EPHB2: variants seen among roughly 807,000 people sequenced by gnomAD.
The protein encoded by EPHB2 is EPH receptor B2.
EPHB2 carries 18 observed loss-of-function variants against 96.4 expected under a neutral mutation model. The ratio of observed to expected loss-of-function variants is 0.19; its 90% confidence interval spans 0.13 to 0.28. The LOEUF (loss-of-function observed/expected upper bound fraction) is 0.28, where lower values mean the gene tolerates loss of function less well. Ranked by LOEUF, EPHB2 falls within the 10% of genes least tolerant of loss-of-function variation. The pLI, the probability that EPHB2 is intolerant of heterozygous loss-of-function variation, is 1.00. For missense variants in EPHB2, 989 were observed against 1,355.4 expected (o/e 0.73, Z 4.25); for synonymous variants, 506 against 534.1 (o/e 0.95, Z 0.72).
At chr1:22,753,030 C>T (rs1043649302) in intron 1 of EPHB2, among the ~76,000 whole-genome samples, 6 of 152,014 alleles carry the variant, frequency 3.9e-5, no homozygotes, top group African/African-American at 1.5e-4. Flanking sequence ...ATCCTCCTGT[C>T]TTGGCCTCCC....
chr1:22,823,280 C>T (rs1467961644), intron 3 of EPHB2, among the ~76,000 whole-genome samples: 1 of 152,214 alleles, frequency 6.6e-6, no homozygotes, highest in Non-Finnish European at 1.5e-5. Flanking sequence ...CTTCATAACT[C>T]AACTTGGGTA....
At chr1:22,861,109 C>T (rs1320175008) in intron 3 of EPHB2, among the ~76,000 whole-genome samples, 1 of 152,210 alleles carries the variant, frequency 6.6e-6, no homozygotes, top group Non-Finnish European at 1.5e-5. Flanking sequence ...GGAACTGTTA[C>T]AAGTGTTTTT....
intron 9 of EPHB2, among the ~76,000 whole-genome samples, chr1:22,900,512 G>A (rs1195510501): frequency 1.3e-5 from 2 of 152,126 alleles, no homozygotes; most frequent in Non-Finnish European, 2.9e-5. Context: ...GCTCAGGGAT[G>A]GAGCAGGGGT....
rs77774574 is a variant in EPHB2 at position 22,779,978 on chromosome 1, G to A, written c.62-1443G>A. Reference sequence around the variant, plus strand: ...AGGTCTCTCCCCCTACTCTCTCATAGCTATTTATATTCACACCTCATCTCC... The same window carrying A: ...AGGTCTCTCCCCCTACTCTCTCATAACTATTTATATTCACACCTCATCTCC... On this transcript the variant is annotated intron_variant, in intron 1 of 15. Coordinates refer to ENST00000374630, the MANE Select transcript of EPHB2 (RefSeq NM_017449.5). 1.6e-4 allele frequency among the ~76,000 whole-genome samples: 24 copies of A among 152,236 alleles called. No individual in the cohort carries two copies. In the East Asian group the frequency reaches 4.4e-3, roughly 28 times the overall value.
chr1:22,816,954 T>C (rs1645083722), intron 3 of EPHB2, among the ~76,000 whole-genome samples: 1 of 152,182 alleles, frequency 6.6e-6, no homozygotes, highest in South Asian at 2.1e-4. Flanking sequence ...TCCAACTCCC[T>C]GACCCACTTG....
chr1:22,775,833 T>C (rs1644443628), intron 1 of EPHB2, among the ~76,000 whole-genome samples: 1 of 152,230 alleles, frequency 6.6e-6, no homozygotes, highest in Non-Finnish European at 1.5e-5. Flanking sequence ...TAGTTCCAGC[T>C]TTTGCCTGGA....
rs1007988439 is a variant in EPHB2 at position 22,800,796 on chromosome 1, A to ACT, written c.811+15731_811+15732dup. Among the ~76,000 whole-genome samples, 65 of 95,586 alleles carry ACT rather than the reference A, an allele frequency of 6.8e-4. No individual in the cohort carries two copies. In the South Asian group the frequency reaches 9.3e-3, roughly 14 times the overall value. The allele number at this position is 95,586 out of a possible 152,430, so 62.7% of individuals were successfully genotyped here. On this transcript the variant is annotated intron_variant, in intron 3 of 15. Coordinates refer to ENST00000374630, the MANE Select transcript of EPHB2 (RefSeq NM_017449.5). Reference sequence around the variant, plus strand: ...GACACACACACACACACACACACACACTCTCTCTCTCTTTCTGGGGACCAA... The same window carrying ACT: ...GACACACACACACACACACACACACACTCTCTCTCTCTCTTTCTGGGGACCAA...
At chr1:22,848,558 A>G (rs1346072317) in intron 3 of EPHB2, among the ~76,000 whole-genome samples, 1 of 152,076 alleles carries the variant, frequency 6.6e-6, no homozygotes, top group Non-Finnish European at 1.5e-5. Context: ...GGTCTTTTTC[A>G]CTGGGGTGGC....
At chr1:22,726,113 A>G (rs563397660) in intron 1 of EPHB2, among the ~76,000 whole-genome samples, 9 of 152,368 alleles carry the variant, frequency 5.9e-5, no homozygotes, top group Admixed American at 4.6e-4. Flanking sequence ...GCTAGGGGAC[A>G]TAGAGGGAAA....
chr1:22,896,362 A>G lies in EPHB2; in HGVS notation c.1701-52A>G, dbSNP rs759351552. 1.2e-5 allele frequency: 20 copies of G among 1,612,940 alleles called. No individual in the cohort carries two copies. In the Admixed American group the frequency reaches 2.8e-4, roughly 23 times the overall value. ...CTCCCTATCACCTACTGTGGCTCCC[A>G]GCTCCCTGGGCGCCTTCAGGTGGCT... On this transcript the variant is annotated intron_variant, in intron 8 of 15. Coordinates refer to ENST00000374630, the MANE Select transcript of EPHB2 (RefSeq NM_017449.5).
In EPHB2 at chr1:22,784,205, C is replaced by T. The variant is rs116283912; in HGVS notation, c.127-187C>T. Among the ~76,000 whole-genome samples, 389 of 152,302 alleles carry T rather than the reference C, an allele frequency of 2.6e-3. 1 individual carries two copies. The highest frequency in any genetic ancestry group is 8.8e-3 in the African/African-American group (365 of 41,570). ...GTCTCCCCTGTCAGCTAGCAGAATA[C>T]CAAGAGCAGGATGTGTGCCTTTCCC... On this transcript the variant is annotated intron_variant, in intron 2 of 15. Transcript: ENST00000374630. The surrounding 1 kb of genome is among the most constrained non-coding windows in gnomAD (Gnocchi z 5.1).
At chr1:22,758,552 T>A (rs977809547) in intron 1 of EPHB2, among the ~76,000 whole-genome samples, 44 of 152,032 alleles carry the variant, frequency 2.9e-4, no homozygotes, top group Admixed American at 1.8e-3. Flanking sequence ...CAGGACACCA[T>A]GCTGCCCTTG....
intron 1 of EPHB2, among the ~76,000 whole-genome samples, chr1:22,723,694 G>A (rs996294832): frequency 6.6e-6 from 1 of 152,252 alleles, no homozygotes; most frequent in African/African-American, 2.4e-5. Context: ...GCGGTGTCAG[G>A]GGCAAACCAT....
intron 1 of EPHB2, among the ~76,000 whole-genome samples, chr1:22,781,201 T>C (rs986914447): frequency 1.3e-5 from 2 of 151,552 alleles, no homozygotes; most frequent in Non-Finnish European, 2.9e-5. Context: ...GCGCCTGTAG[T>C]CCCAGCTACT....
At chr1:22,820,616 T>C (rs560222484) in intron 3 of EPHB2, among the ~76,000 whole-genome samples, 4 of 152,272 alleles carry the variant, frequency 2.6e-5, no homozygotes, top group African/African-American at 7.2e-5. Context: ...TGAGTCATGA[T>C]TGCACCACTG....
chr1:22,896,741 G>T (rs1048008397), intron 9 of EPHB2, among the ~76,000 whole-genome samples: 3 of 152,074 alleles, frequency 2.0e-5, no homozygotes, highest in Non-Finnish European at 4.4e-5. Flanking sequence ...CCTCCAAGCA[G>T]CCTTCCCCGA....
chr1:22,806,154 T>C (rs770051092), intron 3 of EPHB2, among the ~76,000 whole-genome samples: 1 of 152,112 alleles, frequency 6.6e-6, no homozygotes, highest in South Asian at 2.1e-4. Context: ...GTTGGATAAA[T>C]GAAAGAATGA....
intron 9 of EPHB2, among the ~76,000 whole-genome samples, chr1:22,896,877 C>T (rs1229919179): frequency 2.0e-5 from 3 of 152,182 alleles, no homozygotes; most frequent in Non-Finnish European, 2.9e-5. Context: ...TGATATTTAC[C>T]GTGTCTCCCC....
At chr1:22,798,134 A>G (rs915795721) in intron 3 of EPHB2, among the ~76,000 whole-genome samples, 1 of 152,156 alleles carries the variant, frequency 6.6e-6, no homozygotes, top group Non-Finnish European at 1.5e-5. Flanking sequence ...TCCAGGTTCT[A>G]GGATGGTGCT....
Sources: gnomAD v4.1 joint callset for allele counts (sites outside exome capture counted in the v4.1 genomes callset) on GRCh38, gnomAD v4.1.1 for gene constraint, Gnocchi (gnomAD v3.1) non-coding constraint, MANE v1.5 for transcripts, NCBI Gene and HGNC (gene_info 2026-07-23, HGNC 2026-07-21) for gene names.